UPP2: variants seen among roughly 807,000 people sequenced by gnomAD.
UPP2 encodes UPase 2.
UPP2 carries 23 observed loss-of-function variants against 26.7 expected under a neutral mutation model. The ratio of observed to expected loss-of-function variants is 0.86; its 90% CI spans 0.62 to 1.22. The LOEUF is 1.22. UPP2 is among the 50% of genes most tolerant of loss of function. The probability of loss-of-function intolerance (pLI) is 0.00; values close to 1 mark genes in which losing one functional copy is unlikely to be tolerated. For missense variants in UPP2, 387 were observed against 396.7 expected (o/e 0.98, Z 0.21); for synonymous variants, 127 against 141.3 (o/e 0.90, Z 0.72).
chr2:158,006,792 C>T (rs1683496306), intron 2 of UPP2, among the ~76,000 whole-genome samples: 1 of 152,192 alleles, frequency 6.6e-6, no homozygotes, highest in South Asian at 2.1e-4. Context: ...TACTCAAAGG[C>T]ACTTGTCAGA....
chr2:158,014,751 A>T (rs767437104), intron 2 of UPP2, among the ~76,000 whole-genome samples: 1 of 152,224 alleles, frequency 6.6e-6, no homozygotes, highest in Non-Finnish European at 1.5e-5. Context: ...AATAGAGATC[A>T]TGCCAACTTC....
chr2:158,109,176 G>A (rs993062033), intron 2 of UPP2, among the ~76,000 whole-genome samples: 4 of 152,112 alleles, frequency 2.6e-5, no homozygotes, highest in Middle Eastern at 3.4e-3. Flanking sequence ...TAATCCATCA[G>A]TACCTGAAAA....
intron 3 of UPP2, among the ~76,000 whole-genome samples, chr2:158,066,630 C>CTTTTT (rs3046317): frequency 1.4e-5 from 2 of 146,062 alleles, no homozygotes; most frequent in Non-Finnish European, 3.0e-5. Flanking sequence ...ACCATTGATT[C>CTTTTT]TTTTTTTTTT....
intron 3 of UPP2, among the ~76,000 whole-genome samples, chr2:158,045,730 GACAGACA>G (rs1211356924): frequency 3.3e-5 from 5 of 152,190 alleles, no homozygotes; most frequent in Non-Finnish European, 7.3e-5. Flanking sequence ...TTGATGCTGT[GACAGACA>G]AATGGGAGGC....
rs200491821 is a variant in UPP2 at position 158,134,873 on chromosome 2, C to G, written c.937C>G (p.Leu313Val). The G allele has an allele frequency of 6.2e-7, 1 of 1,613,336 alleles. No homozygotes were observed. The highest frequency in any genetic ancestry group is 8.5e-7 in the Non-Finnish European group (1 of 1,179,596). Reference sequence around the variant, plus strand: ...AATCTCCAACTTCATCAGACGGCGGCTTGGACTTTGTGACTAGACGTCCTA... The same window carrying G: ...AATCTCCAACTTCATCAGACGGCGGGTTGGACTTTGTGACTAGACGTCCTA... ...LLISNFIRRR[L>V]GLCD Residue 313 changes from leucine to valine, a missense_variant, in exon 7 of 7, where the codon CTT (leucine) becomes GTT (valine). Leu to Val is a conservative substitution (Grantham distance 32, BLOSUM62 1). Transcript: ENST00000005756.
At chr2:158,065,768 A>C in intron 3 of UPP2, 1 of 692,734 alleles carries the variant, frequency 1.4e-6, no homozygotes, top group South Asian at 1.6e-5. Flanking sequence ...ATGATGGTGC[A>C]CCACCATCCA....
At position 158,115,265 on chromosome 2, in the gene UPP2, T is replaced by C. The variant is rs763870717; in HGVS notation, c.339+6T>C. 2.5e-6 allele frequency: 4 copies of C among 1,593,268 alleles called. No homozygotes were observed. The highest frequency in any genetic ancestry group is 2.2e-5 in the East Asian group (1 of 44,620). On this transcript the variant is annotated splice_donor_region_variant and intron_variant, in intron 3 of 6. Coordinates refer to ENST00000005756, the MANE Select transcript of UPP2 (RefSeq NM_173355.4). The stretch of plus-strand genomic sequence containing the variant: ...GGCCTGTGCTCGCCATCAGTGTAAG[T>C]ATCCATGGTTGCATTTCAGCTAGTC...
At position 158,123,501 on chromosome 2, in the gene UPP2, T is replaced by A. The variant is rs140348683; in HGVS notation, c.665-248T>A. Among the ~76,000 whole-genome samples the A allele has an allele frequency of 8.3e-4, 126 of 152,252 alleles. 2 individuals carry two copies. Among genetic ancestry groups the A allele is most frequent in the African/African-American group, 2.7e-3 (114 of 41,548 alleles). ...CTGGCTGCTGCAGCCACTCAACAGT[T>A]ACTGACCCCAGAACTGAGGTCCTCG... On this transcript the variant is annotated intron_variant, in intron 5 of 6. Transcript: ENST00000005756.
At chr2:158,112,053 T>A (rs1683330435) in intron 2 of UPP2, among the ~76,000 whole-genome samples, 1 of 152,180 alleles carries the variant, frequency 6.6e-6, no homozygotes, top group East Asian at 1.9e-4. Flanking sequence ...ACAGATTCAA[T>A]GCAGTCCCCA....
intron 2 of UPP2, among the ~76,000 whole-genome samples, chr2:158,014,703 G>A (rs534746792): frequency 1.3e-5 from 2 of 152,164 alleles, no homozygotes; most frequent in African/African-American, 4.8e-5. Flanking sequence ...GATTAATACA[G>A]CTATTCTCTA....
chr2:158,102,033 A>G lies in UPP2; in HGVS notation c.-31A>G, dbSNP rs368518713. ...ACAATATCTCTCTTTCTTGACATCA[A>G]TTTAAGGTGACTTTTCACATAGTAG... On this transcript the variant is annotated 5_prime_UTR_variant, in exon 1 of 7. Transcript: ENST00000005756. 4.4e-6 allele frequency: 7 copies of G among 1,607,926 alleles called. No homozygotes were observed. Among genetic ancestry groups the G allele is most frequent in the African/African-American group, 4.2e-5 (3 of 71,388 alleles).
intron 3 of UPP2, among the ~76,000 whole-genome samples, chr2:158,063,690 T>C (rs2108816): frequency 0.65 from 98,070 of 151,818 alleles, 32,233 homozygotes; most frequent in Admixed American, 0.72. Flanking sequence ...GGTGGTTTGC[T>C]GCACCCATCA....
At chr2:158,032,490 T>A (rs1683937008) in intron 3 of UPP2, among the ~76,000 whole-genome samples, 1 of 151,878 alleles carries the variant, frequency 6.6e-6, no homozygotes, top group African/African-American at 2.4e-5. Flanking sequence ...CCTAAGGAAG[T>A]GTATGACATA....
intron 3 of UPP2, among the ~76,000 whole-genome samples, chr2:158,051,214 C>A (rs1682152442): frequency 7.5e-6 from 1 of 133,458 alleles, no homozygotes; most frequent in Non-Finnish European, 1.6e-5. Flanking sequence ...TGTATAATAT[C>A]TTTCATTTCA....
chr2:158,022,398 G>A lies in UPP2; in HGVS notation c.147+6512G>A, dbSNP rs868057901. Among the ~76,000 whole-genome samples the A allele has an allele frequency of 7.1e-4, 105 of 148,586 alleles. 2 individuals carry two copies. The highest frequency in any genetic ancestry group is 3.5e-3 in the Middle Eastern group (1 of 282). On this transcript the variant is annotated intron_variant, in intron 3 of 9. Coordinates refer to the UPP2 transcript ENST00000605860. ...TGCTTGAACCCGGGAGGCGGACGTT[G>A]CAGTGAGTCAAGATCACACCACTGC...
intron 1 of UPP2, among the ~76,000 whole-genome samples, chr2:158,105,043 A>T (rs1324979077): frequency 1.8e-4 from 2 of 11,262 alleles, no homozygotes; most frequent in African/African-American, 6.7e-4. Flanking sequence ...AGGGGAGGGG[A>T]GGGGGCAGGC....
chr2:158,012,513 C>T (rs905268282), intron 2 of UPP2, among the ~76,000 whole-genome samples: 12 of 151,920 alleles, frequency 7.9e-5, no homozygotes, highest in Admixed American at 5.2e-4. Flanking sequence ...AGTGATCCAC[C>T]CACCTCGGCC....
rs1404423030 is a variant in UPP2, at chr2:158,115,177, A to T, written c.257A>T (p.Glu86Val). 6.2e-7 allele frequency: 1 copy of T among 1,613,888 alleles called. No individual in the cohort carries two copies. The highest frequency in any genetic ancestry group is 1.7e-5 in the Admixed American group (1 of 59,984). Residue 86 changes from glutamate (E) to valine (V), a missense_variant, in exon 3 of 7, where the codon GAA becomes GTA. Transcript: ENST00000005756. ...LFMHKELGFE[E>V]AEEDIKDICA... ...ATGCACAAGGAGCTCGGGTTTGAGGAAGCTGAAGAAGACATAAAAGACATC... is the reference window on the plus strand; with the variant it reads ...ATGCACAAGGAGCTCGGGTTTGAGGTAGCTGAAGAAGACATAAAAGACATC...
At chr2:158,045,265 A>G (rs1184921439) in intron 3 of UPP2, among the ~76,000 whole-genome samples, 6 of 152,208 alleles carry the variant, frequency 3.9e-5, no homozygotes, top group Admixed American at 2.0e-4. Context: ...TCTATCTAAT[A>G]TGGCTTAGTC....
Sources: gnomAD v4.1 joint callset for allele counts (sites outside exome capture counted in the v4.1 genomes callset) on GRCh38, gnomAD v4.1.1 for gene constraint, MANE v1.5 for transcripts, NCBI Gene and HGNC (gene_info 2026-07-23, HGNC 2026-07-21) for gene names.